The following TBC1D5 variants were observed in gnomAD, a reference collection of about 807,000 sequenced individuals.
The protein encoded by TBC1D5 is TBC1 domain family member 5, also known as TBC1 domain family, member 5.
A neutral mutation model predicts 100.3 loss-of-function variants in TBC1D5; 75 were observed. The ratio of observed to expected loss-of-function variants is 0.75; its 90% CI spans 0.62 to 0.91. The LOEUF is 0.91. Ranked by LOEUF, TBC1D5 falls within the 40% of genes least tolerant of loss-of-function variation. The probability of loss-of-function intolerance (pLI) is 0.00; values close to 1 mark genes in which losing one functional copy is unlikely to be tolerated. For missense variants in TBC1D5, 910 were observed against 942.4 expected (o/e 0.97, Z 0.45); for synonymous variants, 323 against 325.6 (o/e 0.99, Z 0.09).
intron 14 of TBC1D5, among the ~76,000 whole-genome samples, chr3:17,293,724 T>C (rs2081980762): frequency 6.6e-6 from 1 of 152,232 alleles, no homozygotes; most frequent in Non-Finnish European, 1.5e-5. Flanking sequence ...TAAACAAAAC[T>C]GAGTCCTTAC....
rs527538262 is a variant in TBC1D5 at position 17,559,112 on chromosome 3, A to C, written c.-35-50507T>G. Among the ~76,000 whole-genome samples, 163 of 150,966 alleles carry C rather than the reference A, an allele frequency of 1.1e-3. 1 individual carries two copies. The highest frequency in any genetic ancestry group is 3.9e-3 in the African/African-American group (158 of 40,580). On this transcript the variant is annotated intron_variant, in intron 2 of 21. Coordinates refer to ENST00000253692, the Ensembl canonical transcript of TBC1D5. Reference sequence around the variant, plus strand: ...TAAATAAATAAATAAATAAATAAATAAATAAGACTTCATTTTTAATAGCTA... The same window carrying C: ...TAAATAAATAAATAAATAAATAAATCAATAAGACTTCATTTTTAATAGCTA...
At chr3:17,526,420 A>G (rs753084980) in intron 2 of TBC1D5, among the ~76,000 whole-genome samples, 2 of 151,994 alleles carry the variant, frequency 1.3e-5, no homozygotes, top group African/African-American at 2.4e-5. Context: ...AGGTCTCCCT[A>G]TTTTGCCCAG....
At chr3:17,364,920 G>A (rs1017020894) in intron 13 of TBC1D5, among the ~76,000 whole-genome samples, 3 of 152,062 alleles carry the variant, frequency 2.0e-5, no homozygotes, top group Non-Finnish European at 1.5e-5. Flanking sequence ...TCATTTAATC[G>A]TCACAATGCT....
intron 19 of TBC1D5, among the ~76,000 whole-genome samples, chr3:17,171,739 G>A (rs1335207300): frequency 4.6e-5 from 7 of 152,040 alleles, no homozygotes; most frequent in Non-Finnish European, 8.8e-5. Context: ...ATAAGGTCAC[G>A]TTCACAGGTT....
At chr3:17,348,005 C>T (rs968386483) in intron 13 of TBC1D5, among the ~76,000 whole-genome samples, 3 of 107,620 alleles carry the variant, frequency 2.8e-5, no homozygotes, top group Admixed American at 8.2e-5. Context: ...CCTGTCTCTA[C>T]AACATAAAAA....
chr3:17,388,578 G>C (rs996859337), intron 8 of TBC1D5, among the ~76,000 whole-genome samples: 1 of 151,126 alleles, frequency 6.6e-6, no homozygotes, highest in African/African-American at 2.4e-5. Context: ...GCCAGGTGAA[G>C]AGGCTCACAC....
chr3:17,681,272 A>G (rs865900958), intron 1 of TBC1D5, among the ~76,000 whole-genome samples: 2 of 151,686 alleles, frequency 1.3e-5, no homozygotes, highest in African/African-American at 4.9e-5. Flanking sequence ...ATACATATGA[A>G]TAAGATTTAT....
intron 4 of TBC1D5, among the ~76,000 whole-genome samples, chr3:17,407,711 C>T (rs1339399640): frequency 6.6e-6 from 1 of 152,104 alleles, no homozygotes; most frequent in African/African-American, 2.4e-5. Context: ...GACAATGACA[C>T]ATTCCGTACT....
chr3:17,713,791 T>C (rs1020061232), intron 1 of TBC1D5, among the ~76,000 whole-genome samples: 1 of 152,142 alleles, frequency 6.6e-6, no homozygotes, highest in Admixed American at 6.5e-5. Flanking sequence ...ATGCTCAACA[T>C]CATTAGTCAT....
intron 2 of TBC1D5, among the ~76,000 whole-genome samples, chr3:17,514,184 T>G (rs1279101172): frequency 2.6e-5 from 4 of 152,204 alleles, no homozygotes; most frequent in African/African-American, 9.6e-5. Flanking sequence ...AGTCTTAATA[T>G]TTAATATTGT....
chr3:17,695,278 C>T (rs984681655), intron 1 of TBC1D5, among the ~76,000 whole-genome samples: 9 of 152,066 alleles, frequency 5.9e-5, no homozygotes, highest in South Asian at 2.1e-4. Flanking sequence ...GACTAAATGC[C>T]CCAATTAAAA....
At chr3:17,706,697 AG>A (rs1405485037) in intron 1 of TBC1D5, among the ~76,000 whole-genome samples, 2 of 152,120 alleles carry the variant, frequency 1.3e-5, no homozygotes, top group Non-Finnish European at 2.9e-5. Flanking sequence ...TTATATAATT[AG>A]AAGTCATAAT....
intron 1 of TBC1D5, among the ~76,000 whole-genome samples, chr3:17,718,734 A>G (rs1241956699): frequency 6.6e-6 from 1 of 152,110 alleles, no homozygotes; most frequent in Non-Finnish European, 1.5e-5. Context: ...GAAACTCTGC[A>G]CCAATTAAAC....
At chr3:17,222,982 C>A (rs980929603) in intron 17 of TBC1D5, among the ~76,000 whole-genome samples, 1 of 151,712 alleles carries the variant, frequency 6.6e-6, no homozygotes, top group African/African-American at 2.4e-5. Context: ...ATGAAAAAAA[C>A]CATCGTAAGC....
intron 9 of TBC1D5, among the ~76,000 whole-genome samples, chr3:17,378,533 G>A (rs137892379): frequency 1.3e-5 from 2 of 151,628 alleles, no homozygotes; most frequent in African/African-American, 2.4e-5. Flanking sequence ...GAAATGTTTC[G>A]TTTCCTTGGT....
At chr3:17,414,748 G>C (rs2094021254) in intron 4 of TBC1D5, among the ~76,000 whole-genome samples, 1 of 152,070 alleles carries the variant, frequency 6.6e-6, no homozygotes, top group Non-Finnish European at 1.5e-5. Context: ...GTCTCTAAAA[G>C]GCAATTACAA....
At chr3:17,568,641 C>CT (rs1342142379) in intron 2 of TBC1D5, among the ~76,000 whole-genome samples, 1 of 151,280 alleles carries the variant, frequency 6.6e-6, no homozygotes, top group Non-Finnish European at 1.5e-5. Context: ...TAAAAAGGAA[C>CT]TTTTTGTTCT....
intron 3 of TBC1D5, among the ~76,000 whole-genome samples, chr3:17,487,365 T>G (rs1208535470): frequency 1.3e-5 from 2 of 152,188 alleles, no homozygotes; most frequent in African/African-American, 4.8e-5. Context: ...TATGTAAAAA[T>G]ATGAGTTAAC....
chr3:17,661,489 G>T (rs904604233), intron 1 of TBC1D5, among the ~76,000 whole-genome samples: 7 of 148,194 alleles, frequency 4.7e-5, no homozygotes, highest in African/African-American at 1.7e-4. Flanking sequence ...TTTTTCCCTA[G>T]TTATTCATTA....
Sources: allele counts gnomAD v4.1 joint callset (sites outside exome capture counted in the v4.1 genomes callset), GRCh38; gene constraint gnomAD v4.1.1; transcripts MANE v1.5; gene names NCBI Gene and HGNC (gene_info 2026-07-23, HGNC 2026-07-21).